NTRK2: variants seen among roughly 807,000 people sequenced by gnomAD.
NTRK2 encodes the protein BDNF/NT-3 growth factors receptor.
In NTRK2, 13 loss-of-function variants were observed where a neutral mutation model predicts 94.5. The observed-to-expected ratio is 0.14, with a 90% CI of 0.09 to 0.22. The LOEUF is 0.22. Ranked by LOEUF, NTRK2 falls within the 10% of genes least tolerant of loss-of-function variation. NTRK2 has a pLI of 1.00. For missense variants in NTRK2, 639 were observed against 1,071.2 expected, an observed-to-expected ratio of 0.60 and a Z score of 5.63; for synonymous variants, 372 against 407.4, an observed-to-expected ratio of 0.91 and a Z score of 1.05.
At chr9:84,861,558 C>T (rs189195955) in intron 13 of NTRK2, among the ~76,000 whole-genome samples, 10 of 152,124 alleles carry the variant, frequency 6.6e-5, no homozygotes, top group Admixed American at 2.6e-4. Context: ...AACGTCCAGA[C>T]GCTGTGATTT....
chr9:84,695,268 A>T (rs1371962330), intron 2 of NTRK2, among the ~76,000 whole-genome samples: 2 of 152,026 alleles, frequency 1.3e-5, no homozygotes, highest in African/African-American at 4.8e-5. Context: ...CTAAAGGGGA[A>T]TTTTTCTTTT....
chr9:84,916,884 A>C (rs571251551), intron 14 of NTRK2, among the ~76,000 whole-genome samples: 1 of 152,330 alleles, frequency 6.6e-6, no homozygotes, highest in African/African-American at 2.4e-5. Flanking sequence ...GGTGACATCT[A>C]TTAAGCTTTT....
At chr9:84,811,426 T>G (rs746705403) in intron 12 of NTRK2, 20 of 1,065,946 alleles carry the variant, frequency 1.9e-5, no homozygotes, top group Admixed American at 1.1e-4. Flanking sequence ...GTGGAATATA[T>G]GCATATGGTG....
intron 15 of NTRK2, among the ~76,000 whole-genome samples, chr9:84,941,324 A>G (rs1474659987): frequency 6.6e-6 from 1 of 152,242 alleles, no homozygotes; most frequent in African/African-American, 2.4e-5. Context: ...AAGTTCCTAT[A>G]TCAATATACC....
At chr9:84,676,514 C>T (rs1041820218) in intron 2 of NTRK2, among the ~76,000 whole-genome samples, 1 of 152,146 alleles carries the variant, frequency 6.6e-6, no homozygotes, top group Admixed American at 6.5e-5. Flanking sequence ...AGAATCGGAA[C>T]CTCAGAAAGA....
chr9:85,013,492 G>A (rs1831867403), intron 17 of NTRK2, among the ~76,000 whole-genome samples: 1 of 152,040 alleles, frequency 6.6e-6, no homozygotes, highest in South Asian at 2.1e-4. Context: ...TAGTAGAGAC[G>A]GGGTTTCACC....
chr9:85,020,424 G>T (rs1465327107), intron 18 of NTRK2, 60 bp downstream of exon 18: 6 of 1,582,220 alleles, frequency 3.8e-6, no homozygotes, highest in Non-Finnish European at 5.2e-6. Flanking sequence ...GCATCCATTG[G>T]CTGGGGCCTT....
chr9:84,712,295 G>A (rs755758595), intron 6 of NTRK2, among the ~76,000 whole-genome samples: 11 of 152,212 alleles, frequency 7.2e-5, no homozygotes, highest in Non-Finnish European at 1.5e-4. Flanking sequence ...CCCGCCTTAC[G>A]TGTTATTGCT....
intron 17 of NTRK2, among the ~76,000 whole-genome samples, chr9:85,007,083 T>C (rs1831057178): frequency 6.6e-6 from 1 of 152,244 alleles, no homozygotes; most frequent in African/African-American, 2.4e-5. Context: ...TCCCATGAAG[T>C]TGTAATCTAG....
chr9:84,686,071 A>G (rs1341469754), intron 2 of NTRK2, among the ~76,000 whole-genome samples: 1 of 152,242 alleles, frequency 6.6e-6, no homozygotes, highest in Non-Finnish European at 1.5e-5. Flanking sequence ...AGAACTCTAA[A>G]TAAGAGTATT....
intron 12 of NTRK2, among the ~76,000 whole-genome samples, chr9:84,770,939 CTTCTAT>C (rs2066485349): frequency 6.6e-6 from 1 of 152,170 alleles, no homozygotes; most frequent in East Asian, 1.9e-4. Context: ...GGTATTAAAA[CTTCTAT>C]TTCTAGAGCT....
chr9:84,755,420 C>G (rs1267374216), intron 12 of NTRK2, among the ~76,000 whole-genome samples: 1 of 150,182 alleles, frequency 6.7e-6, no homozygotes, highest in East Asian at 2.0e-4. Flanking sequence ...CACCTAAGTT[C>G]GGTAATTGGA....
intron 17 of NTRK2, among the ~76,000 whole-genome samples, chr9:85,005,325 G>A (rs7045296): frequency 0.73 from 111,059 of 151,996 alleles, 41,228 homozygotes; most frequent in African/African-American, 0.82. Context: ...CAAACAGAAA[G>A]AGACAAGGTT....
chr9:84,838,576 A>G (rs2074004585), intron 12 of NTRK2, among the ~76,000 whole-genome samples: 1 of 152,124 alleles, frequency 6.6e-6, no homozygotes, highest in Non-Finnish European at 1.5e-5. Flanking sequence ...CTTTATACTT[A>G]CCGCATTTTC....
intron 2 of NTRK2, among the ~76,000 whole-genome samples, chr9:84,691,958 A>G (rs909994475): frequency 3.3e-5 from 5 of 152,258 alleles, no homozygotes; most frequent in Middle Eastern, 3.4e-3. Context: ...TGTGTTTCTG[A>G]TGGTTTCATA....
intron 17 of NTRK2, among the ~76,000 whole-genome samples, chr9:84,967,644 G>A (rs1825709717): frequency 6.6e-6 from 1 of 152,246 alleles, no homozygotes; most frequent in African/African-American, 2.4e-5. Flanking sequence ...TGACGGCGGA[G>A]CCCAGCTATG....
intron 14 of NTRK2, among the ~76,000 whole-genome samples, chr9:84,883,389 T>C (rs1421137535): frequency 1.3e-5 from 2 of 152,166 alleles, no homozygotes; most frequent in Admixed American, 6.5e-5. Flanking sequence ...GCAGTACAAT[T>C]CTTTTAGGTT....
At chr9:84,875,749 A>G in intron 14 of NTRK2, 2 of 1,052,260 alleles carry the variant, frequency 1.9e-6, no homozygotes, top group Non-Finnish European at 2.3e-6. Flanking sequence ...TGATCCCCGG[A>G]TCTTTCATCA....
chr9:84,866,386 A>G (rs762579961), intron 13 of NTRK2, among the ~76,000 whole-genome samples: 1 of 152,234 alleles, frequency 6.6e-6, no homozygotes, highest in Non-Finnish European at 1.5e-5. Flanking sequence ...TATTTTGCAT[A>G]TAAGTCGATG....
Sources: gnomAD v4.1 joint callset for allele counts (sites outside exome capture counted in the v4.1 genomes callset) on GRCh38, gnomAD v4.1.1 for gene constraint, MANE v1.5 for transcripts, NCBI Gene and HGNC (gene_info 2026-07-23, HGNC 2026-07-21) for gene names.